Variants in DEPDC1B observed in about 807,000 individuals in gnomAD.
DEPDC1B encodes DEP domain containing 1B.
In DEPDC1B, 51 loss-of-function variants were observed where a neutral mutation model predicts 66.5. That is an observed-to-expected ratio of 0.77 (90% CI 0.61 to 0.97). The LOEUF is 0.97. Ranked by LOEUF, DEPDC1B falls within the 50% of genes least tolerant of loss-of-function variation. The pLI is 0.00. For synonymous variants in DEPDC1B, 226 were observed against 223.6 expected, an observed-to-expected ratio of 1.01 and a Z score of -0.10; for missense variants, 552 against 637.1, an observed-to-expected ratio of 0.87 and a Z score of 1.44.
chr5:60,597,825 T>C lies in DEPDC1B; in HGVS notation c.1518A>G (p.Lys506=). 6.2e-7 allele frequency: 1 copy of C among 1,613,440 alleles called. No homozygotes were observed. The part of the protein sequence containing the change: ...ALLFPEKPKP[K]PQLLMWALKK... ...TTAGTGCCCACATTAGCAGCTGTGG[T>C]TTCGGTTTGGGTTTTTCAGGAAACA... is the stretch of plus-strand genomic sequence containing the variant. The change falls in exon 11 of 11, where the codon AAA becomes AAG. Residue 506 remains lysine (K), a synonymous_variant. Coordinates refer to ENST00000265036, the MANE Select transcript of DEPDC1B (RefSeq NM_018369.3).
chr5:60,605,134 G>C lies in DEPDC1B; in HGVS notation c.1065+556C>G, dbSNP rs376501172. Among the ~76,000 whole-genome samples, 5 of 152,300 alleles carry C rather than the reference G, an allele frequency of 3.3e-5. No individual in the cohort carries two copies. The East Asian group carries it at 7.7e-4, about 24-fold the overall frequency. On this transcript the variant is annotated intron_variant, in intron 8 of 10. Coordinates refer to ENST00000265036, the MANE Select transcript of DEPDC1B (RefSeq NM_018369.3). ...TGCCAATAGAAGCAGAGATTAGATG[G>C]TAGGTACCACAGGCTGGGGGATACA...
intron 8 of DEPDC1B, among the ~76,000 whole-genome samples, chr5:60,604,230 T>TTTTTTTTTTTG (rs1752266318): frequency 7.4e-6 from 1 of 135,794 alleles, no homozygotes; most frequent in Non-Finnish European, 1.6e-5. Flanking sequence ...TTTTTTTTTT[T>TTTTTTTTTTTG]TTTTTTTTTT....
At chr5:60,694,866 T>C (rs886712613) in intron 1 of DEPDC1B, among the ~76,000 whole-genome samples, 1 of 152,204 alleles carries the variant, frequency 6.6e-6, no homozygotes, top group East Asian at 1.9e-4. Flanking sequence ...TAAACCTTTT[T>C]GTTATATGTT....
chr5:60,626,402 G>T (rs1752809198), intron 7 of DEPDC1B, among the ~76,000 whole-genome samples: 1 of 152,100 alleles, frequency 6.6e-6, no homozygotes, highest in Admixed American at 6.6e-5. Flanking sequence ...GTTGCTGTGT[G>T]AACATATGTT....
chr5:60,607,256 T>G (rs1752329122), intron 7 of DEPDC1B, among the ~76,000 whole-genome samples: 1 of 152,092 alleles, frequency 6.6e-6, no homozygotes, highest in South Asian at 2.1e-4. Flanking sequence ...GGAAGGAGAT[T>G]GGGTTTGATC....
intron 2 of DEPDC1B, among the ~76,000 whole-genome samples, chr5:60,674,148 GT>G (rs1326591999): frequency 6.6e-6 from 1 of 152,002 alleles, no homozygotes; most frequent in Non-Finnish European, 1.5e-5. Context: ...TTCAAGGCCA[GT>G]TGGTAAGACC....
intron 4 of DEPDC1B, 43 bp downstream of exon 4, chr5:60,645,449 A>C: frequency 6.6e-7 from 1 of 1,523,072 alleles, no homozygotes; most frequent in Non-Finnish European, 8.8e-7. Flanking sequence ...CAAAATAGGA[A>C]ACAATATCTC....
At chr5:60,663,698 T>C (rs1323823879) in intron 2 of DEPDC1B, among the ~76,000 whole-genome samples, 3 of 152,214 alleles carry the variant, frequency 2.0e-5, no homozygotes, top group East Asian at 1.9e-4. Flanking sequence ...CCAGTTCTCA[T>C]ACTTGGTCAC....
intron 2 of DEPDC1B, among the ~76,000 whole-genome samples, chr5:60,665,844 A>G (rs1019305302): frequency 6.6e-6 from 1 of 152,182 alleles, no homozygotes; most frequent in Non-Finnish European, 1.5e-5. Context: ...GGCTCACTAA[A>G]ATACAAATTA....
At chr5:60,619,996 A>G (rs1217888904) in intron 7 of DEPDC1B, among the ~76,000 whole-genome samples, 1 of 152,230 alleles carries the variant, frequency 6.6e-6, no homozygotes, top group Non-Finnish European at 1.5e-5. Context: ...CATATCTACA[A>G]CTACCTGATC....
chr5:60,666,232 G>A (rs753331460), intron 2 of DEPDC1B, among the ~76,000 whole-genome samples: 1 of 152,158 alleles, frequency 6.6e-6, no homozygotes, highest in Non-Finnish European at 1.5e-5. Context: ...ATGGCTAAGG[G>A]CCCAGGGTTC....
At chr5:60,628,683 A>C (rs919160095) in intron 7 of DEPDC1B, 38 of 152,224 alleles carry the variant, frequency 2.5e-4, no homozygotes, top group African/African-American at 9.2e-4. Context: ...AAATTGTTTA[A>C]AATTAGATAC....
At chr5:60,606,213 G>C (rs763295840) in intron 7 of DEPDC1B, among the ~76,000 whole-genome samples, 1 of 152,058 alleles carries the variant, frequency 6.6e-6, no homozygotes, top group Non-Finnish European at 1.5e-5. Flanking sequence ...TAGCAAGAAC[G>C]TGAACGTGTC....
At chr5:60,656,018 C>G (rs1357338321) in intron 2 of DEPDC1B, among the ~76,000 whole-genome samples, 1 of 131,670 alleles carries the variant, frequency 7.6e-6, no homozygotes, top group Non-Finnish European at 1.5e-5. Flanking sequence ...TTTATTGAGA[C>G]TTGTTTTGTG....
intron 2 of DEPDC1B, among the ~76,000 whole-genome samples, chr5:60,686,560 G>A (rs145415315): frequency 1.6e-3 from 243 of 152,308 alleles, no homozygotes; most frequent in Middle Eastern, 3.4e-3. Flanking sequence ...GCCCTGAGCT[G>A]TTTAAAGATC....
chr5:60,640,791 G>A lies in DEPDC1B; in HGVS notation c.758-1901C>T, dbSNP rs549786294. 5.3e-5 allele frequency among the ~76,000 whole-genome samples: 8 copies of A among 152,286 alleles called. No individual in the cohort carries two copies. In the South Asian group the frequency reaches 1.5e-3, roughly 28 times the overall value. On this transcript the variant is annotated intron_variant, in intron 6 of 10. Transcript: ENST00000265036. ...ACCATACAATCAGCCTATCCTTTCT[G>A]TTCCCTTTTAGATGACTGAAACATG...
At chr5:60,637,433 C>A (rs1046242883) in intron 7 of DEPDC1B, among the ~76,000 whole-genome samples, 6 of 152,208 alleles carry the variant, frequency 3.9e-5, no homozygotes, top group Non-Finnish European at 8.8e-5. Flanking sequence ...TCCCTTAGGA[C>A]TCCCCAGAGG....
At chr5:60,657,783 T>C (rs185290371) in intron 2 of DEPDC1B, among the ~76,000 whole-genome samples, 1 of 152,352 alleles carries the variant, frequency 6.6e-6, no homozygotes, top group Non-Finnish European at 1.5e-5. Flanking sequence ...GATTACCTTT[T>C]TGCGATGAAT....
chr5:60,625,871 A>G (rs1284047485), intron 7 of DEPDC1B, among the ~76,000 whole-genome samples: 1 of 152,096 alleles, frequency 6.6e-6, no homozygotes, highest in Non-Finnish European at 1.5e-5. Context: ...TGTGTATTCA[A>G]GCTCACTGAT....
Sources: allele counts gnomAD v4.1 joint callset (sites outside exome capture counted in the v4.1 genomes callset), GRCh38; gene constraint gnomAD v4.1.1; transcripts MANE v1.5; gene names NCBI Gene and HGNC (gene_info 2026-07-23, HGNC 2026-07-21).